Variants in EXOC6B observed in about 807,000 individuals in gnomAD.
EXOC6B encodes SEC15 homolog B.
Under a neutral mutation model 113.5 loss-of-function variants are expected in EXOC6B, and 54 were observed. That is an observed-to-expected ratio of 0.48 (90% CI 0.38 to 0.60). The LOEUF is 0.60. Ranked by LOEUF, EXOC6B falls within the 20% of genes least tolerant of loss-of-function variation. The pLI, the probability that EXOC6B is intolerant of heterozygous loss-of-function variation, is 0.00. For synonymous variants in EXOC6B, 357 were observed against 339.0 expected, an observed-to-expected ratio of 1.05 and a Z score of -0.58; for missense variants, 797 against 977.5, an observed-to-expected ratio of 0.82 and a Z score of 2.46.
At chr2:72,320,278 CA>C (rs1208462776) in intron 20 of EXOC6B, among the ~76,000 whole-genome samples, 2 of 150,886 alleles carry the variant, frequency 1.3e-5, no homozygotes, top group African/African-American at 4.9e-5. Context: ...TTAGAATAAA[CA>C]AAACAACTTT....
chr2:72,243,969 A>G (rs1443762107), intron 20 of EXOC6B, among the ~76,000 whole-genome samples: 2 of 152,238 alleles, frequency 1.3e-5, no homozygotes, highest in African/African-American at 2.4e-5. Flanking sequence ...AGGCTTCAAC[A>G]GACCATTATC....
At chr2:72,254,592 A>G (rs1462778606) in intron 20 of EXOC6B, among the ~76,000 whole-genome samples, 1 of 152,234 alleles carries the variant, frequency 6.6e-6, no homozygotes, top group Non-Finnish European at 1.5e-5. Context: ...CTGTTGTACT[A>G]AATACCTAAA....
intron 6 of EXOC6B, among the ~76,000 whole-genome samples, chr2:72,717,409 T>G (rs1262811394): frequency 6.6e-6 from 1 of 152,202 alleles, no homozygotes; most frequent in Non-Finnish European, 1.5e-5. Context: ...TGCTGTAGGC[T>G]ACATCATCAG....
At chr2:72,289,186 C>T in intron 20 of EXOC6B, 1 of 171,440 alleles carries the variant, frequency 5.8e-6, no homozygotes, top group Non-Finnish European at 1.2e-5. Flanking sequence ...ATATTAATTA[C>T]TTCTGGGTGT....
At chr2:72,296,723 TA>T (rs1388381808) in intron 20 of EXOC6B, among the ~76,000 whole-genome samples, 1 of 152,126 alleles carries the variant, frequency 6.6e-6, no homozygotes, top group Non-Finnish European at 1.5e-5. Context: ...CTCAAGAGAC[TA>T]AAAATAACTA....
intron 8 of EXOC6B, among the ~76,000 whole-genome samples, chr2:72,533,188 C>A (rs1375610625): frequency 6.6e-6 from 1 of 152,150 alleles, no homozygotes; most frequent in African/African-American, 2.4e-5. Flanking sequence ...TTTGGCAATT[C>A]AGTGAAGGAT....
intron 8 of EXOC6B, among the ~76,000 whole-genome samples, chr2:72,518,174 C>A (rs189139019): frequency 1.7e-4 from 26 of 152,290 alleles, no homozygotes; most frequent in African/African-American, 6.3e-4. Flanking sequence ...AAGCTCCAAG[C>A]TCTTTCAATC....
intron 6 of EXOC6B, among the ~76,000 whole-genome samples, chr2:72,642,702 G>A (rs1673354593): frequency 6.7e-6 from 1 of 150,300 alleles, no homozygotes; most frequent in African/African-American, 2.5e-5. Context: ...ACATAGGCAT[G>A]GGCAAGGACT....
At chr2:72,791,206 T>C (rs1684655657) in intron 1 of EXOC6B, among the ~76,000 whole-genome samples, 1 of 152,188 alleles carries the variant, frequency 6.6e-6, no homozygotes, top group Non-Finnish European at 1.5e-5. Flanking sequence ...CATTACACGG[T>C]GTATACATGC....
At chr2:72,248,042 A>C (rs1325309117) in intron 20 of EXOC6B, among the ~76,000 whole-genome samples, 2 of 152,158 alleles carry the variant, frequency 1.3e-5, no homozygotes, top group African/African-American at 4.8e-5. Context: ...TGATTCTGTC[A>C]AGGTTATGCT....
chr2:72,692,285 G>A (rs1423493926), intron 6 of EXOC6B, among the ~76,000 whole-genome samples: 3 of 150,902 alleles, frequency 2.0e-5, no homozygotes, highest in Admixed American at 6.6e-5. Flanking sequence ...TATTATTCCT[G>A]CTTCTCTTTT....
chr2:72,454,501 TCAA>T (rs925449628), intron 18 of EXOC6B, among the ~76,000 whole-genome samples: 7 of 151,686 alleles, frequency 4.6e-5, no homozygotes, highest in Non-Finnish European at 8.8e-5. Flanking sequence ...TGAGACTATC[TCAA>T]CAACAACAAC....
chr2:72,725,669 G>A (rs1174387480), intron 5 of EXOC6B, among the ~76,000 whole-genome samples: 2 of 152,196 alleles, frequency 1.3e-5, no homozygotes, highest in Non-Finnish European at 2.9e-5. Context: ...TGGGATTACA[G>A]GCGTAAGCCA....
chr2:72,408,760 A>G (rs2105210403), intron 18 of EXOC6B, among the ~76,000 whole-genome samples: 1 of 152,288 alleles, frequency 6.6e-6, no homozygotes, highest in African/African-American at 2.4e-5. Flanking sequence ...AACCATAAAA[A>G]CCCTAGAAGA....
At chr2:72,193,918 G>A (rs1165768310) in intron 20 of EXOC6B, among the ~76,000 whole-genome samples, 2 of 152,144 alleles carry the variant, frequency 1.3e-5, no homozygotes, top group Non-Finnish European at 2.9e-5. Flanking sequence ...AAGTTTTGTT[G>A]AAACATAGCC....
intron 20 of EXOC6B, among the ~76,000 whole-genome samples, chr2:72,269,441 T>C (rs1233179760): frequency 6.6e-6 from 1 of 152,200 alleles, no homozygotes; most frequent in Non-Finnish European, 1.5e-5. Flanking sequence ...GCTTGCTATT[T>C]TAGGTATGAG....
rs755601176 is a variant in EXOC6B, at chr2:72,559,471, T to G, written c.897A>C (p.Leu299=). 13 of 1,612,620 alleles carry G rather than the reference T, an allele frequency of 8.1e-6. No homozygotes were observed. The East Asian group carries it at 2.9e-4, about 36-fold the overall frequency. The change falls in exon 8 of 22, where the codon CTA becomes CTC. Residue 299 remains leucine, a synonymous_variant. Transcript: ENST00000272427. ...LVDFSPVYRC[L]HIYSVLGARE... is the part of the protein sequence containing the mutation. The stretch of plus-strand genomic sequence containing the variant: ...GACTCACCAGGACAGAATATATATG[T>G]AGACATCGATAAACTGGAGAGAAAT...
intron 8 of EXOC6B, among the ~76,000 whole-genome samples, chr2:72,540,323 A>G (rs907409305): frequency 2.0e-5 from 3 of 152,070 alleles, no homozygotes; most frequent in African/African-American, 7.2e-5. Context: ...TTTATTTAGA[A>G]ATTTCAACTT....
intron 19 of EXOC6B, among the ~76,000 whole-genome samples, chr2:72,348,460 A>C (rs17559539): frequency 0.029 from 4,435 of 152,244 alleles, 90 homozygotes; most frequent in Non-Finnish European, 0.046. Context: ...CTGTCAGTAC[A>C]TTTTTATTAT....
Sources: gnomAD v4.1 joint callset for allele counts (sites outside exome capture counted in the v4.1 genomes callset) on GRCh38, gnomAD v4.1.1 for gene constraint, MANE v1.5 for transcripts, NCBI Gene and HGNC (gene_info 2026-07-23, HGNC 2026-07-21) for gene names.